Variants in KDR observed in about 807,000 individuals in gnomAD.
The protein encoded by KDR is vascular endothelial growth factor receptor 2.
KDR carries 43 observed loss-of-function variants against 160.9 expected under a neutral mutation model. The observed-to-expected ratio is 0.27, with a 90% CI of 0.21 to 0.34. The LOEUF (loss-of-function observed/expected upper bound fraction) is 0.34. Among genes scored for constraint, KDR ranks in the 10% least tolerant of loss-of-function variants. The probability of loss-of-function intolerance (pLI) is 1.00; values close to 1 mark genes in which losing one functional copy is unlikely to be tolerated. For missense variants in KDR, 1,469 were observed against 1,666.4 expected (o/e 0.88, Z 2.06); for synonymous variants, 617 against 600.1 (o/e 1.03, Z -0.41).
At chr4:55,121,018 G>A (rs7690785) in intron 2 of KDR, 79 bp downstream of exon 2, 11,521 of 952,370 alleles carry the variant, frequency 0.012, 138 homozygotes, top group South Asian at 0.038. Flanking sequence ...TTATAATTCT[G>A]CTCTACTGGA....
rs1292610180 is a variant in KDR, at chr4:55,107,703, G to A, written c.1412+34C>T. 14 of 1,613,192 alleles carry A rather than the reference G, an allele frequency of 8.7e-6. No homozygotes were observed. In the East Asian group the frequency reaches 3.1e-4, roughly 36 times the overall value. On this transcript the variant is annotated intron_variant, in intron 10 of 29. Transcript: ENST00000263923. ...AGCTCAGCTGTAAGAAATGCAAGAT[G>A]GCAGGAAAGCAAAGAGCATGTGGCC...
intron 3 of KDR, among the ~76,000 whole-genome samples, 179 bp downstream of exon 3, chr4:55,118,425 C>T (rs757191906): frequency 6.6e-6 from 1 of 152,184 alleles, no homozygotes; most frequent in Non-Finnish European, 1.5e-5. Flanking sequence ...ACGGCCCAAG[C>T]TCCAGAATCA....
intron 3 of KDR, among the ~76,000 whole-genome samples, chr4:55,117,089 C>A (rs1720755860): frequency 6.6e-6 from 1 of 152,162 alleles, no homozygotes; most frequent in African/African-American, 2.4e-5. Context: ...GCTTACAGAG[C>A]AAGCCTTTGG....
chr4:55,125,142 A>T, intron 1 of KDR, 85 bp downstream of exon 1: 1 of 1,253,272 alleles, frequency 8.0e-7, no homozygotes, highest in South Asian at 1.3e-5. Context: ...CTCCAGCTCT[A>T]CGATTCCGAG....
At chr4:55,121,477 T>A (rs1025916966) in intron 1 of KDR, among the ~76,000 whole-genome samples, 2 of 152,206 alleles carry the variant, frequency 1.3e-5, no homozygotes, top group East Asian at 3.8e-4. Flanking sequence ...TACAAAAGGA[T>A]ACGGGACATT....
chr4:55,085,056 A>G (rs970117468), intron 27 of KDR, among the ~76,000 whole-genome samples: 1 of 152,244 alleles, frequency 6.6e-6, no homozygotes, highest in Non-Finnish European at 1.5e-5. Flanking sequence ...ACCTTTCTCT[A>G]AGAGAGAACT....
chr4:55,084,954 A>G (rs147462140), intron 27 of KDR, among the ~76,000 whole-genome samples: 177 of 152,300 alleles, frequency 1.2e-3, no homozygotes, highest in African/African-American at 4.1e-3. Flanking sequence ...ACTCAGGAAT[A>G]CCTAGCTAGC....
Position 55,079,057 on chromosome 4 carries a change from A to G in KDR, c.*884T>C, listed in dbSNP as rs1719655437. On this transcript the variant is annotated 3_prime_UTR_variant, in exon 30 of 30. Transcript: ENST00000263923. The stretch of plus-strand genomic sequence containing the variant: ...ATCACATCAGGACAGATATGAGGGT[A>G]TTCATTCCAGAAGAAACCAGAAGCT... The G allele has an allele frequency of 8.6e-6, 2 of 233,308 alleles. No homozygotes were observed. The highest frequency in any genetic ancestry group is 1.7e-5 in the Non-Finnish European group (2 of 118,050). The allele number at this position is 233,308 out of a possible 1,614,324, so 14.5% of individuals were successfully genotyped here.
chr4:55,111,957 A>G (rs1720595272), intron 7 of KDR, among the ~76,000 whole-genome samples: 1 of 152,236 alleles, frequency 6.6e-6, no homozygotes, highest in South Asian at 2.1e-4. Flanking sequence ...AGCATTATCT[A>G]AGGTATTTTT....
At chr4:55,094,050 A>C (rs971632126) in intron 21 of KDR, among the ~76,000 whole-genome samples, 8 of 151,952 alleles carry the variant, frequency 5.3e-5, no homozygotes, top group Non-Finnish European at 1.5e-5. Context: ...AAATACAAAA[A>C]AAAAAAAAAT....
chr4:55,107,979 C>T, intron 9 of KDR, 86 bp from the exon 10 acceptor site: 1 of 1,468,826 alleles, frequency 6.8e-7, no homozygotes, highest in African/African-American at 1.4e-5. Flanking sequence ...AGCTGACTTT[C>T]TTTAAGCATA....
At chr4:55,111,819 T>C (rs1200858549) in intron 7 of KDR, among the ~76,000 whole-genome samples, 1 of 152,242 alleles carries the variant, frequency 6.6e-6, no homozygotes, top group Non-Finnish European at 1.5e-5. Flanking sequence ...GTCAAGAGCA[T>C]AGCTTTGTAG....
chr4:55,102,335 CAAGAGTGATAGCCA>C lies in KDR; in HGVS notation c.2134+13_2134+26del. 6.2e-7 allele frequency: 1 copy of C among 1,611,318 alleles called. No individual in the cohort carries two copies. The highest frequency in any genetic ancestry group is 1.1e-5 in the South Asian group (1 of 91,026). Reference sequence around the variant, plus strand: ...ACATCCCTGGGAAAGTTCTGCAACCCAAGAGTGATAGCCAAATTCTATTTACCTGAGTCTTCTAC... The same window carrying C: ...ACATCCCTGGGAAAGTTCTGCAACCCAATTCTATTTACCTGAGTCTTCTAC... On this transcript the variant is annotated intron_variant, in intron 14 of 29. Transcript: ENST00000263923.
At chr4:55,094,068 G>T (rs1197659389) in intron 21 of KDR, among the ~76,000 whole-genome samples, 1 of 151,738 alleles carries the variant, frequency 6.6e-6, no homozygotes, top group Non-Finnish European at 1.5e-5. Context: ...AATTAGCTGG[G>T]CATGGTGGAA....
rs145458680 is a variant in KDR, at chr4:55,114,880, C to G, written c.652G>C (p.Val218Leu). 1 of 1,612,814 alleles carries G rather than the reference C, an allele frequency of 6.2e-7. No homozygotes were observed. The part of the protein sequence containing the change: ...SYQSIMYIVV[V>L]VGYRIYDVVL... Reference sequence around the variant, plus strand: ...AAAGGAAATGTCCTCTTACCTACAACGACAACTATGTACATAATAGACTGG... The same window carrying G: ...AAAGGAAATGTCCTCTTACCTACAAGGACAACTATGTACATAATAGACTGG... The change falls in exon 5 of 30, where the codon GTT becomes CTT. Residue 218 changes from valine (V) to leucine (L), a missense_variant. Val to Leu is a conservative substitution (Grantham distance 32). Coordinates refer to ENST00000263923, the MANE Select transcript of KDR (RefSeq NM_002253.4).
Position 55,078,961 on chromosome 4 carries a change from T to G in KDR, c.*980A>C, listed in dbSNP as rs1719651526. The G allele has an allele frequency of 4.3e-6, 1 of 232,824 alleles. No homozygotes were observed. The highest frequency in any genetic ancestry group is 8.5e-6 in the Non-Finnish European group (1 of 118,004). The allele number at this position is 232,824 out of a possible 1,614,324, so 14.4% of individuals were successfully genotyped here. On this transcript the variant is annotated 3_prime_UTR_variant, in exon 30 of 30. Transcript: ENST00000263923. ...GGGGACAGGGGGAAGAACAAAAGGG[T>G]AAAATCCTTCCTGAAACTTTGACAC...
At chr4:55,098,946 C>T (rs1336010333) in intron 15 of KDR, 143 bp from the exon 16 acceptor site, 7 of 542,878 alleles carry the variant, frequency 1.3e-5, no homozygotes, top group African/African-American at 3.8e-5. Flanking sequence ...ACACCCGTAA[C>T]TTGAATGGAG....
chr4:55,107,129 T>G (rs1720464217), intron 10 of KDR, among the ~76,000 whole-genome samples: 2 of 152,158 alleles, frequency 1.3e-5, no homozygotes, highest in African/African-American at 4.8e-5. Context: ...CTGGGCTCCT[T>G]AAAGTAATTT....
rs368156548 is a variant in KDR at position 55,097,777 on chromosome 4, C to T, written c.2510-11G>A. On this transcript the variant is annotated splice_polypyrimidine_tract_variant and intron_variant, in intron 17 of 29. Transcript: ENST00000263923. ...GGCCAAGAGGCTTACCTAGAGTCAA[C>T]AACAACAGCAACAAGAAAACAGACT... 8.6e-5 allele frequency: 134 copies of T among 1,563,048 alleles called. No homozygotes were observed. The highest frequency in any genetic ancestry group is 1.1e-4 in the Non-Finnish European group (128 of 1,134,676).
Sources: gnomAD v4.1 joint callset for allele counts (sites outside exome capture counted in the v4.1 genomes callset) on GRCh38, gnomAD v4.1.1 for gene constraint, MANE v1.5 for transcripts, NCBI Gene and HGNC (gene_info 2026-07-23, HGNC 2026-07-21) for gene names.